The following BICDL1 variants were observed in gnomAD, a reference collection of about 807,000 sequenced individuals.
BICDL1 encodes the protein BICD family-like cargo adapter 1.
BICDL1 carries 20 observed loss-of-function variants against 76.8 expected under a neutral mutation model. The observed-to-expected ratio is 0.26, with a 90% confidence interval of 0.18 to 0.38. The LOEUF (loss-of-function observed/expected upper bound fraction) is 0.38. Among genes scored for constraint, BICDL1 ranks in the 10% least tolerant of loss-of-function variants. The probability of loss-of-function intolerance (pLI) is 1.00; values close to 1 mark genes in which losing one functional copy is unlikely to be tolerated. For missense variants in BICDL1, 700 were observed against 798.6 expected (o/e 0.88, Z 1.49); for synonymous variants, 383 against 337.1 (o/e 1.14, Z -1.49).
chr12:120,056,446 C>T (rs559247276), intron 2 of BICDL1, among the ~76,000 whole-genome samples: 17 of 152,270 alleles, frequency 1.1e-4, no homozygotes, highest in Admixed American at 2.0e-4. Flanking sequence ...TGAGGCCGGG[C>T]GCAGTGGCTC....
At chr12:120,056,661 T>G (rs551436332) in intron 2 of BICDL1, among the ~76,000 whole-genome samples, 104 of 151,648 alleles carry the variant, frequency 6.9e-4, no homozygotes, top group African/African-American at 1.8e-3. Flanking sequence ...AGGTTGCAGT[T>G]AGCCGAGATC....
At chr12:120,045,186 CA>C (rs1176262784) in intron 2 of BICDL1, among the ~76,000 whole-genome samples, 8 of 152,120 alleles carry the variant, frequency 5.3e-5, no homozygotes, top group African/African-American at 1.9e-4. Flanking sequence ...CATCACTGGC[CA>C]TCAGAGAAAT....
Position 119,989,460 on chromosome 12 carries a change from G to GC in BICDL1, c.-408dup, listed in dbSNP as rs1951464819. The stretch of plus-strand genomic sequence containing the variant: ...CCCGTGAGGCGCTGCCCGGCCGGCG[G>GC]CGGCAGCAGCAGCAGCAGCGGCAGC... On this transcript the variant is annotated 5_prime_UTR_variant, in exon 1 of 10. An upstream open reading frame in the 5' UTR loses its in-frame stop. Coordinates refer to ENST00000548673, the MANE Select transcript of BICDL1 (RefSeq NM_001367886.1). Among the ~76,000 whole-genome samples the GC allele has an allele frequency of 3.0e-5, 2 of 67,410 alleles. No homozygotes were observed. The highest frequency in any genetic ancestry group is 5.2e-5 in the Non-Finnish European group (2 of 38,436). 44.2% of individuals were successfully genotyped at this position (67,410 alleles called of 152,430 possible).
At chr12:120,081,755 G>T (rs2138988800) in intron 8 of BICDL1, among the ~76,000 whole-genome samples, 1 of 149,094 alleles carries the variant, frequency 6.7e-6, no homozygotes, top group East Asian at 2.0e-4. Flanking sequence ...CACAAAAATA[G>T]AAGATATAAG....
intron 2 of BICDL1, among the ~76,000 whole-genome samples, chr12:120,048,981 T>G (rs1952802125): frequency 6.6e-6 from 1 of 152,230 alleles, no homozygotes; most frequent in Non-Finnish European, 1.5e-5. Context: ...AGTTCAGGCA[T>G]TTCTTGGCCA....
intron 4 of BICDL1, among the ~76,000 whole-genome samples, chr12:120,067,912 T>C (rs1163711288): frequency 6.6e-6 from 1 of 152,250 alleles, no homozygotes; most frequent in Non-Finnish European, 1.5e-5. Flanking sequence ...AAGTTCCCAC[T>C]GGACCAGCAG....
rs529228515 is a variant in BICDL1, at chr12:119,995,377, T to C, written c.430-3144T>C. On this transcript the variant is annotated intron_variant, in intron 1 of 9. Coordinates refer to ENST00000548673, the MANE Select transcript of BICDL1 (RefSeq NM_001367886.1). ...GAAGTTTGTCTCATGTCCAAAGAAA[T>C]ACAAGGACTGAATAGACTGATCAGC... 3.9e-4 allele frequency among the ~76,000 whole-genome samples: 59 copies of C among 152,292 alleles called. 1 individual carries two copies. The highest frequency in any genetic ancestry group is 1.4e-3 in the African/African-American group (58 of 41,558).
At chr12:120,033,109 G>T (rs970840187) in intron 2 of BICDL1, among the ~76,000 whole-genome samples, 1 of 151,896 alleles carries the variant, frequency 6.6e-6, no homozygotes, top group Non-Finnish European at 1.5e-5. Context: ...CTGCTTTTTA[G>T]ATCAGTGATC....
intron 2 of BICDL1, among the ~76,000 whole-genome samples, chr12:120,033,130 C>A (rs192859133): frequency 2.0e-5 from 3 of 152,048 alleles, no homozygotes; most frequent in African/African-American, 7.2e-5. Context: ...TCCACCTTTC[C>A]GCTTCAGTAA....
rs960106453 is a variant in BICDL1, at chr12:120,029,537, G to T, written c.645+30801G>T. ...ATCTCAGAATTAAAAATGTCTTATG[G>T]TCAAATAAATTGATCTCTTAAAGAT... On this transcript the variant is annotated intron_variant, in intron 2 of 9. Coordinates refer to ENST00000548673, the MANE Select transcript of BICDL1 (RefSeq NM_001367886.1). 1.3e-5 allele frequency among the ~76,000 whole-genome samples: 2 copies of T among 152,016 alleles called. 1 individual carries two copies. The highest frequency in any genetic ancestry group is 4.1e-4 in the South Asian group (2 of 4,826).
At chr12:120,076,876 G>A (rs1398422452) in intron 7 of BICDL1, among the ~76,000 whole-genome samples, 1 of 152,248 alleles carries the variant, frequency 6.6e-6, no homozygotes, top group Non-Finnish European at 1.5e-5. Context: ...ATGCAAGGTT[G>A]GTTCAACATC....
At chr12:120,086,430 C>T (rs1265324396) in intron 8 of BICDL1, among the ~76,000 whole-genome samples, 1 of 152,228 alleles carries the variant, frequency 6.6e-6, no homozygotes. Context: ...TTACAATCAT[C>T]TGGGGAGCGC....
At chr12:120,083,724 AC>A (rs1319089353) in intron 8 of BICDL1, among the ~76,000 whole-genome samples, 2 of 151,484 alleles carry the variant, frequency 1.3e-5, no homozygotes, top group Non-Finnish European at 2.9e-5. Context: ...CAGTGGCACG[AC>A]CTCGTCTCAC....
chr12:120,025,100 A>G (rs1952265015), intron 2 of BICDL1, among the ~76,000 whole-genome samples: 1 of 141,322 alleles, frequency 7.1e-6, no homozygotes. Flanking sequence ...CCCAGGCTGG[A>G]GTGCAGTGGC....
chr12:119,990,439 G>A (rs1761355120), intron 1 of BICDL1, 142 bp downstream of exon 1: 2 of 1,439,378 alleles, frequency 1.4e-6, no homozygotes, highest in Non-Finnish European at 1.9e-6. Flanking sequence ...GGGGAGGGAG[G>A]ATGGAGGATT....
chr12:119,993,672 A>C (rs1951575620), intron 1 of BICDL1, among the ~76,000 whole-genome samples: 1 of 149,698 alleles, frequency 6.7e-6, no homozygotes, highest in African/African-American at 2.5e-5. Flanking sequence ...GCTGGAGTGC[A>C]GTGGCGTGAT....
At chr12:120,028,954 C>T (rs1952364970) in intron 2 of BICDL1, among the ~76,000 whole-genome samples, 1 of 152,180 alleles carries the variant, frequency 6.6e-6, no homozygotes, top group Non-Finnish European at 1.5e-5. Context: ...ATCTACAGAT[C>T]CCTTAAGTTA....
intron 2 of BICDL1, among the ~76,000 whole-genome samples, chr12:120,050,407 C>G (rs1207181830): frequency 6.7e-6 from 1 of 149,854 alleles, no homozygotes; most frequent in Non-Finnish European, 1.5e-5. Flanking sequence ...GTTGGGACTA[C>G]AGGTGCCCGC....
At position 119,990,004 on chromosome 12, in the gene BICDL1, C is replaced by T; in HGVS notation, c.136C>T (p.Pro46Ser). 1 of 1,488,970 alleles carries T rather than the reference C, an allele frequency of 6.7e-7. No individual in the cohort carries two copies. The highest frequency in any genetic ancestry group is 8.8e-7 in the Non-Finnish European group (1 of 1,131,620). 92.2% of individuals were successfully genotyped at this position (1,488,970 alleles called of 1,614,324 possible). The change falls in exon 1 of 10, where the codon CCC becomes TCC. Residue 46 changes from proline (P) to serine (S), a missense_variant. Pro to Ser is a moderately conservative substitution (Grantham distance 74). Around this residue, in one of 3 missense-constraint regions of BICDL1, gnomAD observed 225 missense variants for 199.6 expected, o/e 1.13. Coordinates refer to ENST00000548673, the MANE Select transcript of BICDL1 (RefSeq NM_001367886.1). ...SPAAAAALIF[P>S]GGSGELELAL... Reference sequence around the variant, plus strand: ...CGCCGCCGCCGCCGCCCTCATCTTCCCCGGGGGCTCCGGGGAGCTAGAACT... The same window carrying T: ...CGCCGCCGCCGCCGCCCTCATCTTCTCCGGGGGCTCCGGGGAGCTAGAACT...
Sources: gnomAD v4.1 joint callset for allele counts (sites outside exome capture counted in the v4.1 genomes callset) on GRCh38, gnomAD v4.1.1 for gene constraint, gnomAD v4.1.1 regional missense constraint, MANE v1.5 for transcripts, NCBI Gene and HGNC (gene_info 2026-07-23, HGNC 2026-07-21) for gene names.